SAMD12: variants seen among roughly 807,000 people sequenced by gnomAD.
The protein encoded by SAMD12 is sterile alpha motif domain-containing protein 12.
SAMD12 carries 9 observed loss-of-function variants against 15.0 expected under a neutral mutation model. That is an observed-to-expected ratio of 0.60 (90% CI 0.36 to 1.05). The LOEUF (loss-of-function observed/expected upper bound fraction) is 1.05, where lower values mean the gene tolerates loss of function less well. Ranked by LOEUF, SAMD12 falls within the 50% of genes least tolerant of loss-of-function variation. SAMD12 has a pLI of 0.01. For missense variants in SAMD12, 230 were observed against 234.2 expected, an observed-to-expected ratio of 0.98 and a Z score of 0.12; for synonymous variants, 86 against 90.1, an observed-to-expected ratio of 0.96 and a Z score of 0.25.
At chr8:118,348,797 A>G (rs1817804874) in intron 4 of SAMD12, among the ~76,000 whole-genome samples, 1 of 152,234 alleles carries the variant, frequency 6.6e-6, no homozygotes, top group South Asian at 2.1e-4. Flanking sequence ...AGACTATAGG[A>G]TGAGCTGGTC....
chr8:118,292,129 A>G lies in SAMD12; in HGVS notation c.433+87431T>C, dbSNP rs1177733802. On this transcript the variant is annotated intron_variant, in intron 4 of 4. Transcript: ENST00000409003. ...ATTCTGTGATACAATGGACTTTGGG[A>G]ACTTGCAGGAAAGGGCAGGAGGGGG... 5.3e-5 allele frequency among the ~76,000 whole-genome samples: 8 copies of G among 151,338 alleles called. No homozygotes were observed. In the East Asian group the frequency reaches 1.6e-3, roughly 30 times the overall value.
intron 2 of SAMD12, among the ~76,000 whole-genome samples, chr8:118,450,751 G>C (rs1823056138): frequency 6.6e-6 from 1 of 152,162 alleles, no homozygotes; most frequent in Admixed American, 6.5e-5. Context: ...TCTTGAGTCT[G>C]GGTGGTAGAA....
chr8:118,551,733 C>T (rs1241482160), intron 2 of SAMD12, among the ~76,000 whole-genome samples: 2 of 150,250 alleles, frequency 1.3e-5, no homozygotes, highest in African/African-American at 4.9e-5. Flanking sequence ...TTAATGAATC[C>T]AGGAGCTGGT....
the SAMD12 span, among the ~76,000 whole-genome samples, chr8:118,137,384 C>G: frequency 2.6e-5 from 4 of 152,226 alleles, no homozygotes; most frequent in South Asian, 4.1e-4. Flanking sequence ...TCCAGAAAAA[C>G]TTGGGGGTGG....
At chr8:118,339,720 G>A (rs1056042221) in intron 4 of SAMD12, among the ~76,000 whole-genome samples, 6 of 152,186 alleles carry the variant, frequency 3.9e-5, no homozygotes, top group Non-Finnish European at 8.8e-5. Flanking sequence ...AGCTGCGATG[G>A]GTCAGTCCTC....
chr8:118,484,621 A>G (rs1278528232), intron 2 of SAMD12, among the ~76,000 whole-genome samples: 3 of 152,066 alleles, frequency 2.0e-5, no homozygotes, highest in African/African-American at 7.2e-5. Context: ...AAAGTGATTA[A>G]AAAATACCAC....
At chr8:118,530,264 C>T (rs1586790999) in intron 2 of SAMD12, among the ~76,000 whole-genome samples, 2 of 152,220 alleles carry the variant, frequency 1.3e-5, no homozygotes, top group Non-Finnish European at 2.9e-5. Flanking sequence ...CAGGTTTGTT[C>T]CATGAGTAGA....
chr8:118,174,375 T>C, the SAMD12 span, among the ~76,000 whole-genome samples: 1 of 152,174 alleles, frequency 6.6e-6, no homozygotes, highest in Non-Finnish European at 1.5e-5. Flanking sequence ...CTTTTGGTTG[T>C]TGGGAGACAA....
At chr8:118,480,554 A>T (rs1229492364) in intron 2 of SAMD12, among the ~76,000 whole-genome samples, 2 of 152,218 alleles carry the variant, frequency 1.3e-5, no homozygotes, top group Non-Finnish European at 2.9e-5. Flanking sequence ...ATCATTAAGT[A>T]ACCCAATGTG....
intron 3 of SAMD12, among the ~76,000 whole-genome samples, chr8:118,415,448 GGTGT>G (rs58176749): frequency 0.073 from 10,456 of 142,892 alleles, 406 homozygotes; most frequent in Non-Finnish European, 0.084. Context: ...CTTGTCCTAA[GGTGT>G]GTGTGTGTGT....
chr8:118,169,242 C>T, the SAMD12 span, among the ~76,000 whole-genome samples: 25 of 152,222 alleles, frequency 1.6e-4, no homozygotes, highest in Non-Finnish European at 3.7e-4. Context: ...ACAAAACTAA[C>T]CACAGACAGA....
chr8:118,554,222 A>G (rs1226985956), intron 2 of SAMD12, among the ~76,000 whole-genome samples: 1 of 152,230 alleles, frequency 6.6e-6, no homozygotes, highest in Non-Finnish European at 1.5e-5. Flanking sequence ...TGCTATAAAG[A>G]CACATGCACA....
intron 2 of SAMD12, among the ~76,000 whole-genome samples, chr8:118,457,008 C>T (rs1029422933): frequency 3.3e-5 from 5 of 152,104 alleles, no homozygotes; most frequent in East Asian, 3.8e-4. Context: ...CTCTGCTTCA[C>T]CATCAAGATA....
intron 2 of SAMD12, among the ~76,000 whole-genome samples, chr8:118,538,160 CTCTGTCTGTCTGTCTG>C (rs61235691): frequency 0.37 from 55,551 of 151,510 alleles, 10,727 homozygotes; most frequent in Admixed American, 0.44. Flanking sequence ...TGGAGTTAGT[CTCTGTCTGTCTGTCTG>C]TCTGTCTGTC....
intron 2 of SAMD12, among the ~76,000 whole-genome samples, chr8:118,464,424 A>G (rs1823524650): frequency 6.6e-6 from 1 of 152,200 alleles, no homozygotes; most frequent in Admixed American, 6.5e-5. Context: ...AAAGCGTATT[A>G]TAGGTTGACT....
intron 3 of SAMD12, among the ~76,000 whole-genome samples, chr8:118,438,420 A>ATT (rs1554663497): frequency 1.5e-4 from 22 of 151,516 alleles, no homozygotes; most frequent in East Asian, 3.9e-4. Flanking sequence ...TTTAAAAAAA[A>ATT]TTTTTTTTAA....
At chr8:118,541,297 A>T (rs1025359659) in intron 2 of SAMD12, among the ~76,000 whole-genome samples, 1 of 152,164 alleles carries the variant, frequency 6.6e-6, no homozygotes, top group African/African-American at 2.4e-5. Context: ...TCTGGCTCTA[A>T]GCCTTACCCT....
chr8:118,379,698 G>T lies in SAMD12; in HGVS notation c.325C>A (p.Arg109=), dbSNP rs541912477. The change falls in exon 4 of 4, where the codon CGA becomes AGA. Residue 109 remains arginine, a splice_region_variant and synonymous_variant. Transcript: ENST00000314727. Reference sequence around the variant, plus strand: ...TTGTCAGTAAGTCTCAGCAGGGCTCGCCCTGCAGGGTTTTAAGAAATAAAA... The same window carrying T: ...TTGTCAGTAAGTCTCAGCAGGGCTCTCCCTGCAGGGTTTTAAGAAATAAAA... ...ESFKQHDITG[R]ALLRLTDKKL... 8 of 1,612,450 alleles carry T rather than the reference G, an allele frequency of 5.0e-6. No homozygotes were observed. In the East Asian group the frequency reaches 1.3e-4, roughly 27 times the overall value.
chr8:118,266,373 C>T (rs920156094), intron 4 of SAMD12, among the ~76,000 whole-genome samples: 2 of 152,006 alleles, frequency 1.3e-5, no homozygotes, highest in Non-Finnish European at 2.9e-5. Context: ...AAAGGAAAAC[C>T]CTTGCACACT....
Sources: gnomAD v4.1 joint callset for allele counts (sites outside exome capture counted in the v4.1 genomes callset) on GRCh38, gnomAD v4.1.1 for gene constraint, MANE v1.5 for transcripts, NCBI Gene and HGNC (gene_info 2026-07-23, HGNC 2026-07-21) for gene names.